The following STOX2 variants were observed in gnomAD, a reference collection of about 807,000 sequenced individuals.
STOX2 encodes storkhead box 2, also known as storkhead-box protein 2.
A neutral mutation model predicts 60.9 loss-of-function variants in STOX2; 28 were observed. The ratio of observed to expected loss-of-function variants is 0.46; its 90% confidence interval spans 0.34 to 0.63. The LOEUF (loss-of-function observed/expected upper bound fraction) is 0.63. Among genes scored for constraint, STOX2 ranks in the 30% least tolerant of loss-of-function variants. The pLI, the probability that STOX2 is intolerant of heterozygous loss-of-function variation, is 0.01. For synonymous variants in STOX2, 472 were observed against 463.9 expected (o/e 1.02, Z -0.22); for missense variants, 1,024 against 1,187.7 (o/e 0.86, Z 2.03).
At chr4:183,976,868 A>G (rs1281512149) in intron 1 of STOX2, among the ~76,000 whole-genome samples, 1 of 152,188 alleles carries the variant, frequency 6.6e-6, no homozygotes, top group Non-Finnish European at 1.5e-5. Context: ...GGTAAGAAAA[A>G]GAAATGAAAG....
intron 1 of STOX2, among the ~76,000 whole-genome samples, chr4:183,967,053 G>A (rs1053349290): frequency 2.0e-5 from 3 of 152,130 alleles, no homozygotes; most frequent in Middle Eastern, 3.2e-3. Flanking sequence ...AGTAGGAGGT[G>A]GGAAGGGTAG....
At chr4:183,831,502 ATTT>A (rs11292239) in intron 1 of STOX2, among the ~76,000 whole-genome samples, 2 of 144,552 alleles carry the variant, frequency 1.4e-5, no homozygotes, top group East Asian at 2.0e-4. Context: ...AACTATGTAC[ATTT>A]TTTTTTTTTT....
At chr4:183,929,901 T>C (rs1051402414) in intron 1 of STOX2, among the ~76,000 whole-genome samples, 3 of 142,520 alleles carry the variant, frequency 2.1e-5, no homozygotes, top group African/African-American at 9.3e-5. Flanking sequence ...TCTCACTCTG[T>C]CGCCCAGGCT....
At chr4:183,930,107 A>C (rs6844210) in intron 1 of STOX2, among the ~76,000 whole-genome samples, 2 of 148,696 alleles carry the variant, frequency 1.3e-5, no homozygotes, top group Non-Finnish European at 3.0e-5. Context: ...CTCGTGATCC[A>C]CCCGCCTCGG....
At chr4:183,986,635 G>T (rs983227840) in intron 1 of STOX2, among the ~76,000 whole-genome samples, 5 of 152,282 alleles carry the variant, frequency 3.3e-5, no homozygotes, top group African/African-American at 1.2e-4. Flanking sequence ...TGGGCACAGG[G>T]ACCTGGTTAG....
At chr4:183,939,258 T>A (rs891300684) in intron 1 of STOX2, among the ~76,000 whole-genome samples, 3 of 152,198 alleles carry the variant, frequency 2.0e-5, no homozygotes, top group African/African-American at 7.2e-5. Flanking sequence ...GAAATCAACG[T>A]GTTGGATGTA....
chr4:183,983,448 T>A (rs959342452), intron 1 of STOX2, among the ~76,000 whole-genome samples: 6 of 152,190 alleles, frequency 3.9e-5, no homozygotes, highest in African/African-American at 1.4e-4. Context: ...GTGTTTTGAG[T>A]CGAAAGGAGG....
intron 1 of STOX2, among the ~76,000 whole-genome samples, chr4:183,966,433 A>G (rs1743571143): frequency 6.6e-6 from 1 of 152,236 alleles, no homozygotes; most frequent in Non-Finnish European, 1.5e-5. Context: ...GCTGGAAAGA[A>G]CCACAGTGCC....
Position 183,906,820 on chromosome 4 carries a change from G to A in STOX2, c.30G>A (p.Arg10=), listed in dbSNP as rs1380716147. The A allele has an allele frequency of 6.4e-7, 1 of 1,557,904 alleles. No homozygotes were observed. The highest frequency in any genetic ancestry group is 8.7e-7 in the Non-Finnish European group (1 of 1,151,036). Residue 10 remains arginine, a synonymous_variant, in exon 1 of 4, where the codon CGG becomes CGA. Transcript: ENST00000308497. ...AGAAGACCCGGAGCACAACCTTGCG[G>A]CGAGCCTGGCCTAGCTCGGATTTCT... MKKTRSTTL[R]RAWPSSDFSD... is the part of the protein sequence containing the mutation.
At position 183,946,748 on chromosome 4, in the gene STOX2, C is replaced by T. The variant is rs2111137257; in HGVS notation, c.166+39792C>T. Among the ~76,000 whole-genome samples the T allele has an allele frequency of 3.3e-5, 5 of 152,084 alleles. No individual in the cohort carries two copies. In the South Asian group the frequency reaches 1.0e-3, roughly 32 times the overall value. On this transcript the variant is annotated intron_variant, in intron 1 of 3. Coordinates refer to ENST00000308497, the MANE Select transcript of STOX2 (RefSeq NM_020225.3). ...TCAAGCAATTCTCCTGCTTCACCCT[C>T]CTGAGTAGCTGGGATTACAGGTGCG...
chr4:183,860,977 C>T (rs1740427785), intron 1 of STOX2, among the ~76,000 whole-genome samples: 1 of 152,176 alleles, frequency 6.6e-6, no homozygotes, highest in Admixed American at 6.5e-5. Flanking sequence ...CTTTGGCAGC[C>T]ATGCTAATCG....
At chr4:183,982,240 G>T (rs185118369) in intron 1 of STOX2, among the ~76,000 whole-genome samples, 5 of 152,280 alleles carry the variant, frequency 3.3e-5, no homozygotes, top group Admixed American at 3.3e-4. Flanking sequence ...ATTGACTTTT[G>T]AGAATTTAAG....
intron 1 of STOX2, among the ~76,000 whole-genome samples, chr4:183,812,232 G>T (rs74380145): frequency 6.6e-6 from 1 of 152,024 alleles, no homozygotes; most frequent in South Asian, 2.1e-4. Flanking sequence ...ATGCCCAGCC[G>T]TCTGTGATTT....
chr4:183,992,527 T>C (rs1413401185), intron 1 of STOX2, among the ~76,000 whole-genome samples: 2 of 152,206 alleles, frequency 1.3e-5, no homozygotes, highest in African/African-American at 4.8e-5. Context: ...TGGCTTAAAA[T>C]AGGAATTTAT....
At chr4:183,910,552 A>G (rs925994915) in intron 1 of STOX2, among the ~76,000 whole-genome samples, 6 of 152,084 alleles carry the variant, frequency 3.9e-5, no homozygotes, top group Non-Finnish European at 5.9e-5. Context: ...TTCCATGTAT[A>G]ATGCCAGCAA....
At chr4:183,933,417 T>C (rs1334753766) in intron 1 of STOX2, among the ~76,000 whole-genome samples, 1 of 151,896 alleles carries the variant, frequency 6.6e-6, no homozygotes, top group Non-Finnish European at 1.5e-5. Context: ...TGAGACAGTT[T>C]CACTCTTGTC....
chr4:183,927,857 T>C (rs1363354461), intron 1 of STOX2, among the ~76,000 whole-genome samples: 1 of 152,222 alleles, frequency 6.6e-6, no homozygotes, highest in African/African-American at 2.4e-5. Context: ...AGACTTACCC[T>C]GTTTCTCCAC....
chr4:184,001,083 C>T lies in STOX2; in HGVS notation c.167-242C>T, dbSNP rs936603588. Reference sequence around the variant, plus strand: ...TACTAGGACTATTTAAATGAGATCTCGGATGTTAAAGGGAAGTTTTATTTG... The same window carrying T: ...TACTAGGACTATTTAAATGAGATCTTGGATGTTAAAGGGAAGTTTTATTTG... On this transcript the variant is annotated intron_variant, in intron 1 of 3. Coordinates refer to ENST00000308497, the MANE Select transcript of STOX2 (RefSeq NM_020225.3). This position sits in a 1 kb window ranked among gnomAD's most constrained non-coding sequence, Gnocchi z 4.2. Among the ~76,000 whole-genome samples, 23 of 151,998 alleles carry T rather than the reference C, an allele frequency of 1.5e-4. No homozygotes were observed. The highest frequency in any genetic ancestry group is 1.4e-3 in the Admixed American group (22 of 15,266).
At chr4:183,963,838 T>C (rs1379742818) in intron 1 of STOX2, among the ~76,000 whole-genome samples, 10 of 151,326 alleles carry the variant, frequency 6.6e-5, no homozygotes, top group South Asian at 2.1e-4. Context: ...TGCAGTGGCA[T>C]GATCTCGGCT....
Sources: gnomAD v4.1 joint callset for allele counts (sites outside exome capture counted in the v4.1 genomes callset) on GRCh38, gnomAD v4.1.1 for gene constraint, Gnocchi (gnomAD v3.1) non-coding constraint, MANE v1.5 for transcripts, NCBI Gene and HGNC (gene_info 2026-07-23, HGNC 2026-07-21) for gene names.